The following WDR20 variants were observed in gnomAD, a reference collection of about 807,000 sequenced individuals.
WDR20 encodes WD repeat domain 20, also known as WD repeat-containing protein 20.
Under a neutral mutation model 38.7 loss-of-function variants are expected in WDR20, and 3 were observed. That is an observed-to-expected ratio of 0.08 (90% CI 0.04 to 0.20). The LOEUF (loss-of-function observed/expected upper bound fraction) is 0.20, where lower values mean the gene tolerates loss of function less well. Among genes scored for constraint, WDR20 ranks in the 10% least tolerant of loss-of-function variants. The probability of loss-of-function intolerance (pLI) is 1.00; values close to 1 mark genes in which losing one functional copy is unlikely to be tolerated. For synonymous variants in WDR20, 298 were observed against 285.6 expected, an observed-to-expected ratio of 1.04 and a Z score of -0.44; for missense variants, 559 against 727.7, an observed-to-expected ratio of 0.77 and a Z score of 2.67.
chr14:102,222,953 CT>C lies in WDR20; in HGVS notation c.*71del. On this transcript the variant is annotated 3_prime_UTR_variant, in exon 4 of 4. Transcript: ENST00000335263. The surrounding 1 kb of genome is among the most constrained non-coding windows in gnomAD (Gnocchi z 4.4). The stretch of plus-strand genomic sequence containing the variant: ...GGGAGTGACGAGGAGGAGCTCCGAG[CT>C]GCGCCTGAGCCGTGCCAGCCGGCGG... The C allele has an allele frequency of 1.9e-6, 3 of 1,589,114 alleles. No homozygotes were observed. The highest frequency in any genetic ancestry group is 2.6e-6 in the Non-Finnish European group (3 of 1,159,616).
In WDR20 at chr14:102,207,155, A is replaced by G. The variant is rs975614437; in HGVS notation, c.433-1448A>G. On this transcript the variant is annotated intron_variant, in intron 2 of 2. Transcript: ENST00000342702. The surrounding 1 kb of genome is among the most constrained non-coding windows in gnomAD (Gnocchi z 5.0). ...GCCATGCCGTTTTACGGCAGTAAGC[A>G]GTGACACCTGCTGCTGAGTAACTGC... Among the ~76,000 whole-genome samples, 3 of 152,364 alleles carry G rather than the reference A, an allele frequency of 2.0e-5. No individual in the cohort carries two copies. In the East Asian group the frequency reaches 5.8e-4, roughly 29 times the overall value.
intron 2 of WDR20, among the ~76,000 whole-genome samples, chr14:102,197,205 T>C (rs565394872): frequency 6.6e-6 from 1 of 152,296 alleles, no homozygotes; most frequent in South Asian, 2.1e-4. Context: ...AAGTTGATGA[T>C]AGAGTTGGAA....
rs1597035816 is a variant in WDR20, at chr14:102,209,953, G to A, written c.*73G>A. On this transcript the variant is annotated 3_prime_UTR_variant, in exon 3 of 3. Transcript: ENST00000342702. The surrounding 1 kb of genome is among the most constrained non-coding windows in gnomAD (Gnocchi z 6.0). Reference sequence around the variant, plus strand: ...TCGTGGGAGGGGTGGGGTGTACAATGAATGTGAATGACACTTCTTATTCTT... The same window carrying A: ...TCGTGGGAGGGGTGGGGTGTACAATAAATGTGAATGACACTTCTTATTCTT... The A allele has an allele frequency of 1.3e-5, 19 of 1,505,644 alleles. No individual in the cohort carries two copies. The East Asian group carries it at 4.3e-4, about 34-fold the overall frequency. 93.3% of individuals were successfully genotyped at this position (1,505,644 alleles called of 1,614,324 possible). A position where few individuals can be genotyped will look rare whatever the true frequency, so the allele number is the denominator to read the frequency against.
chr14:102,178,726 T>C (rs1227960137), intron 1 of WDR20, among the ~76,000 whole-genome samples: 1 of 151,860 alleles, frequency 6.6e-6, no homozygotes, highest in Non-Finnish European at 1.5e-5. Flanking sequence ...GAACGAAAAC[T>C]CAGCTCACTG....
At chr14:102,180,183 T>C (rs1279506228) in intron 1 of WDR20, among the ~76,000 whole-genome samples, 1 of 152,216 alleles carries the variant, frequency 6.6e-6, no homozygotes, top group Non-Finnish European at 1.5e-5. Flanking sequence ...AGTACTTACA[T>C]AGCACTTACT....
intron 1 of WDR20, among the ~76,000 whole-genome samples, chr14:102,182,011 GA>G (rs2063485880): frequency 1.3e-5 from 2 of 152,070 alleles, no homozygotes; most frequent in Non-Finnish European, 2.9e-5. Context: ...AAATATTACT[GA>G]ATACTTGAAA....
intron 1 of WDR20, among the ~76,000 whole-genome samples, chr14:102,183,908 ACCAGTGTTG>A (rs1201949477): frequency 5.3e-5 from 8 of 152,248 alleles, no homozygotes; most frequent in Non-Finnish European, 2.9e-5. Context: ...TCTGTAATTT[ACCAGTGTTG>A]TCTCAACACT....
At chr14:102,212,630 A>C, downstream of WDR20, 7 of 1,534,002 alleles carry the variant, frequency 4.6e-6, no homozygotes, top group Non-Finnish European at 6.1e-6. Flanking sequence ...GGGGCAGGGA[A>C]GCGCCCTTCT....
At chr14:102,193,665 C>G (rs1336641843) in intron 1 of WDR20, among the ~76,000 whole-genome samples, 1 of 152,200 alleles carries the variant, frequency 6.6e-6, no homozygotes, top group Non-Finnish European at 1.5e-5. Context: ...GTCCTCTTTT[C>G]TACTCATTAC....
chr14:102,148,869 A>G (rs1011003087), intron 1 of WDR20, among the ~76,000 whole-genome samples: 7 of 152,024 alleles, frequency 4.6e-5, no homozygotes, highest in African/African-American at 1.7e-4. Context: ...ATTTTTAAAA[A>G]ATTTTTTGTA....
At chr14:102,217,984 T>G (rs913004438), downstream of WDR20, among the ~76,000 whole-genome samples, 1 of 152,246 alleles carries the variant, frequency 6.6e-6, no homozygotes, top group African/African-American at 2.4e-5. Context: ...AAGGCTGGCC[T>G]TCTCCCTCTG....
chr14:102,156,802 C>G (rs1242030676), intron 1 of WDR20, among the ~76,000 whole-genome samples: 4 of 152,050 alleles, frequency 2.6e-5, no homozygotes, highest in African/African-American at 9.6e-5. Context: ...TCGAGACCAG[C>G]CTGACCAACA....
downstream of WDR20, chr14:102,213,101 C>T: frequency 3.0e-6 from 3 of 986,512 alleles, no homozygotes; most frequent in Non-Finnish European, 3.6e-6. Context: ...GGAGCTTCAA[C>T]TCGCCCTCCT....
chr14:102,150,847 C>T (rs375748405), intron 1 of WDR20, among the ~76,000 whole-genome samples: 29 of 152,292 alleles, frequency 1.9e-4, no homozygotes, highest in African/African-American at 7.0e-4. Flanking sequence ...AGAGGACTTA[C>T]TGAGTGCCTG....
At chr14:102,151,899 A>G (rs960183951) in intron 1 of WDR20, among the ~76,000 whole-genome samples, 5 of 151,150 alleles carry the variant, frequency 3.3e-5, no homozygotes, top group Admixed American at 1.3e-4. Flanking sequence ...GCTACCACCC[A>G]CACCCACCTG....
In WDR20 at chr14:102,209,320, A is replaced by G. The variant is rs1394506717; in HGVS notation, c.1150A>G (p.Thr384Ala). The change falls in exon 3 of 3, where the codon ACA (threonine) becomes GCA (alanine). Residue 384 changes from threonine to alanine, a missense_variant. Coordinates refer to ENST00000342702, the MANE Select transcript of WDR20 (RefSeq NM_144574.4). This position sits in a 1 kb window ranked among gnomAD's most constrained non-coding sequence, Gnocchi z 6.0. ...QDTQLCLWDLTEDILFPHQPL... is the reference protein window; with the variant it reads ...QDTQLCLWDLAEDILFPHQPL... ...CACACAGCTCTGTTTATGGGACCTTACAGAAGATATCCTTTTCCCTCACCA... is the reference window on the plus strand; with the variant it reads ...CACACAGCTCTGTTTATGGGACCTTGCAGAAGATATCCTTTTCCCTCACCA... The G allele has an allele frequency of 6.2e-7, 1 of 1,614,138 alleles. No individual in the cohort carries two copies.
chr14:102,190,275 T>A (rs2065992855), intron 1 of WDR20, among the ~76,000 whole-genome samples: 1 of 152,066 alleles, frequency 6.6e-6, no homozygotes, highest in Non-Finnish European at 1.5e-5. Context: ...GAAGTGTTGA[T>A]TAGGCCAGGC....
chr14:102,202,437 T>G (rs2060607748), intron 2 of WDR20, among the ~76,000 whole-genome samples: 1 of 133,038 alleles, frequency 7.5e-6, no homozygotes, highest in Non-Finnish European at 1.5e-5. Flanking sequence ...TGGAGTGCAG[T>G]GGTGCGATCT....
At chr14:102,223,892 C>T (rs1214272945), downstream of WDR20, among the ~76,000 whole-genome samples, 1 of 152,192 alleles carries the variant, frequency 6.6e-6, no homozygotes, top group Admixed American at 6.5e-5. Flanking sequence ...GGCAGCTGCA[C>T]GTCTGCACAG....
Sources: gnomAD v4.1 joint callset for allele counts (sites outside exome capture counted in the v4.1 genomes callset) on GRCh38, gnomAD v4.1.1 for gene constraint, Gnocchi (gnomAD v3.1) non-coding constraint, MANE v1.5 for transcripts, NCBI Gene and HGNC (gene_info 2026-07-23, HGNC 2026-07-21) for gene names.